The following GAREM1 variants were observed in gnomAD, a reference collection of about 807,000 sequenced individuals.
GAREM1 encodes GRB2-associated and regulator of MAPK protein 1.
In GAREM1, 26 loss-of-function variants were observed where a neutral mutation model predicts 71.3. The observed-to-expected ratio is 0.36, with a 90% CI of 0.27 to 0.51. The LOEUF is 0.51. Among genes scored for constraint, GAREM1 ranks in the 20% least tolerant of loss-of-function variants. GAREM1 has a pLI of 0.95. For synonymous variants in GAREM1, 440 were observed against 433.2 expected (o/e 1.02, Z -0.20); for missense variants, 1,026 against 1,103.1 (o/e 0.93, Z 0.99).
At chr18:32,307,282 C>T (rs2047265344) in intron 3 of GAREM1, among the ~76,000 whole-genome samples, 1 of 152,038 alleles carries the variant, frequency 6.6e-6, no homozygotes, top group African/African-American at 2.4e-5. Context: ...GTGCTTTTCT[C>T]AGTGGTTTAT....
chr18:32,367,577 C>G (rs973863794), intron 2 of GAREM1, among the ~76,000 whole-genome samples: 1 of 152,180 alleles, frequency 6.6e-6, no homozygotes, highest in African/African-American at 2.4e-5. Flanking sequence ...AAAACAAATA[C>G]GAGAAGAGCA....
Position 32,270,309 on chromosome 18 carries a change from GGGACTGGTGGACAAA to G in GAREM1, c.1626_1640del (p.Leu543_Pro547del). 6.2e-7 allele frequency: 1 copy of G among 1,614,058 alleles called. No individual in the cohort carries two copies. Among genetic ancestry groups the G allele is most frequent in the Non-Finnish European group, 8.5e-7 (1 of 1,179,984 alleles). ...GCTTGACTGTGCGAGGAGGGATGGA[GGGACTGGTGGACAAA>G]GGCTTTGCGCTTCGGGGTGGAACAG... On this transcript the variant is annotated inframe_deletion, in exon 5 of 6. Coordinates refer to ENST00000269209, the MANE Select transcript of GAREM1 (RefSeq NM_001242409.2).
chr18:32,459,299 A>C (rs1021950842), intron 1 of GAREM1, among the ~76,000 whole-genome samples: 1 of 152,090 alleles, frequency 6.6e-6, no homozygotes, highest in African/African-American at 2.4e-5. Flanking sequence ...GCAAAACAAA[A>C]TAAACTCTCT....
chr18:32,385,328 A>C (rs75657852), intron 2 of GAREM1, among the ~76,000 whole-genome samples: 1 of 151,916 alleles, frequency 6.6e-6, no homozygotes, highest in Non-Finnish European at 1.5e-5. Flanking sequence ...TCTCTTTTGT[A>C]ATCTAATTTT....
intron 2 of GAREM1, among the ~76,000 whole-genome samples, chr18:32,387,815 GA>G (rs2048162822): frequency 1.3e-5 from 2 of 152,140 alleles, no homozygotes; most frequent in African/African-American, 2.4e-5. Context: ...AAAGTTTTAT[GA>G]AATTATTTTT....
chr18:32,376,714 T>C (rs951985764), intron 2 of GAREM1, among the ~76,000 whole-genome samples: 18 of 152,178 alleles, frequency 1.2e-4, no homozygotes, highest in Admixed American at 6.5e-4. Context: ...GGCACATGCC[T>C]GTAATCCCAG....
chr18:32,364,761 T>G (rs923071260), intron 2 of GAREM1, among the ~76,000 whole-genome samples: 1 of 152,044 alleles, frequency 6.6e-6, no homozygotes, highest in Admixed American at 6.6e-5. Context: ...ACAAGACACG[T>G]TAACACAGAA....
At chr18:32,352,468 G>C (rs2047761772) in intron 2 of GAREM1, among the ~76,000 whole-genome samples, 1 of 152,186 alleles carries the variant, frequency 6.6e-6, no homozygotes, top group Admixed American at 6.5e-5. Flanking sequence ...GATGCCATGA[G>C]AGGGGATGGA....
At chr18:32,423,458 T>C (rs755167060) in intron 1 of GAREM1, among the ~76,000 whole-genome samples, 27 of 152,338 alleles carry the variant, frequency 1.8e-4, no homozygotes, top group Non-Finnish European at 3.1e-4. Context: ...TGTTTTGATG[T>C]TGGCCTTTGC....
chr18:32,369,048 A>G (rs1220568254), intron 2 of GAREM1, among the ~76,000 whole-genome samples: 1 of 152,156 alleles, frequency 6.6e-6, no homozygotes, highest in Non-Finnish European at 1.5e-5. Context: ...GTGGCATACA[A>G]ATGCTACTTT....
chr18:32,393,472 T>C (rs1352066683), intron 1 of GAREM1, among the ~76,000 whole-genome samples: 8 of 152,112 alleles, frequency 5.3e-5, no homozygotes. Flanking sequence ...AATGTTAACA[T>C]GTCTAAGCTC....
intron 2 of GAREM1, among the ~76,000 whole-genome samples, chr18:32,369,347 T>C (rs2047955212): frequency 1.3e-5 from 2 of 152,230 alleles, no homozygotes; most frequent in South Asian, 4.1e-4. Flanking sequence ...CTGAAGCCTG[T>C]CACTTTACCA....
chr18:32,466,871 T>C (rs1293308477), intron 1 of GAREM1, among the ~76,000 whole-genome samples: 3 of 152,174 alleles, frequency 2.0e-5, no homozygotes, highest in East Asian at 3.9e-4. Context: ...GGAGAATTGC[T>C]AGAGTACCTT....
chr18:32,324,567 G>C (rs890473501), intron 2 of GAREM1, among the ~76,000 whole-genome samples: 1 of 152,206 alleles, frequency 6.6e-6, no homozygotes, highest in Admixed American at 6.5e-5. Flanking sequence ...CTTAAAAGTG[G>C]AGTATAGAGC....
intron 4 of GAREM1, among the ~76,000 whole-genome samples, chr18:32,272,689 T>C (rs558348962): frequency 1.3e-5 from 2 of 152,138 alleles, no homozygotes; most frequent in South Asian, 2.1e-4. Flanking sequence ...AATGGCATGA[T>C]CTTGGCTCAT....
chr18:32,296,169 G>T (rs919670899), intron 3 of GAREM1, among the ~76,000 whole-genome samples: 1 of 151,946 alleles, frequency 6.6e-6, no homozygotes, highest in Non-Finnish European at 1.5e-5. Context: ...CACCATATTG[G>T]CCAGGGTGGT....
intron 3 of GAREM1, 106 bp from the exon 4 acceptor site, chr18:32,288,309 GCTTTT>G: frequency 2.3e-6 from 2 of 851,940 alleles, no homozygotes; most frequent in Non-Finnish European, 3.5e-6. Flanking sequence ...AAAATGCTGC[GCTTTT>G]CTTTAATACT....
At chr18:32,445,813 TC>T (rs2048780947) in intron 1 of GAREM1, among the ~76,000 whole-genome samples, 1 of 152,092 alleles carries the variant, frequency 6.6e-6, no homozygotes, top group African/African-American at 2.4e-5. Context: ...CATATAATAA[TC>T]CCAGAATCAA....
intron 1 of GAREM1, among the ~76,000 whole-genome samples, chr18:32,416,637 C>A (rs2144691063): frequency 6.6e-6 from 1 of 152,188 alleles, no homozygotes; most frequent in South Asian, 2.1e-4. Context: ...ACAGTCTCTT[C>A]AATAAACAGT....
Sources: allele counts gnomAD v4.1 joint callset (sites outside exome capture counted in the v4.1 genomes callset), GRCh38; gene constraint gnomAD v4.1.1; transcripts MANE v1.5; gene names NCBI Gene and HGNC (gene_info 2026-07-23, HGNC 2026-07-21).